Variants in CDH13 observed in about 807,000 individuals in gnomAD.
CDH13 encodes the protein cadherin-13.
A neutral mutation model predicts 63.8 loss-of-function variants in CDH13; 24 were observed. That is an observed-to-expected ratio of 0.38 (90% CI 0.27 to 0.53). The LOEUF (loss-of-function observed/expected upper bound fraction) is 0.53. Among genes scored for constraint, CDH13 ranks in the 20% least tolerant of loss-of-function variants. The pLI, the probability that CDH13 is intolerant of heterozygous loss-of-function variation, is 0.85. For synonymous variants in CDH13, 503 were observed against 355.3 expected, an observed-to-expected ratio of 1.42 and a Z score of -4.67; for missense variants, 1,049 against 903.1, an observed-to-expected ratio of 1.16 and a Z score of -2.07.
At chr16:83,198,216 G>C (rs2038929844) in intron 4 of CDH13, among the ~76,000 whole-genome samples, 1 of 151,844 alleles carries the variant, frequency 6.6e-6, no homozygotes, top group African/African-American at 2.4e-5. Flanking sequence ...AAATCCCATT[G>C]CCAAGTACAA....
intron 3 of CDH13, among the ~76,000 whole-genome samples, chr16:83,107,807 T>C (rs563362820): frequency 3.3e-4 from 50 of 152,088 alleles, no homozygotes; most frequent in African/African-American, 1.1e-3. Flanking sequence ...TTTTCTTTTT[T>C]CTTTTCTTTT....
intron 5 of CDH13, among the ~76,000 whole-genome samples, chr16:83,327,068 T>A (rs2090379970): frequency 6.6e-6 from 1 of 152,226 alleles, no homozygotes; most frequent in Admixed American, 6.5e-5. Context: ...GTAAGAAATA[T>A]GAGTCTATTT....
rs1284132626 is a variant in CDH13 at position 83,506,711 on chromosome 16, C to T, written c.960+20056C>T. On this transcript the variant is annotated intron_variant, in intron 7 of 13. Transcript: ENST00000567109. The stretch of plus-strand genomic sequence containing the variant: ...AAATGACTTTGTGTGAATTCTGAGC[C>T]TTGTTTATTCTTGTCCTTTCTTGCT... 2.0e-5 allele frequency among the ~76,000 whole-genome samples: 3 copies of T among 152,172 alleles called. No homozygotes were observed. The East Asian group carries it at 5.8e-4, about 29-fold the overall frequency.
intron 5 of CDH13, among the ~76,000 whole-genome samples, chr16:83,247,693 C>G (rs1387894413): frequency 2.0e-5 from 3 of 152,158 alleles, no homozygotes; most frequent in African/African-American, 7.2e-5. Context: ...TAATGTTAAT[C>G]ATTGATACAG....
At chr16:83,598,311 A>G (rs533675384) in intron 7 of CDH13, among the ~76,000 whole-genome samples, 1 of 152,232 alleles carries the variant, frequency 6.6e-6, no homozygotes, top group African/African-American at 2.4e-5. Flanking sequence ...GCTGCAGTGA[A>G]CCATGACCAC....
intron 5 of CDH13, among the ~76,000 whole-genome samples, chr16:83,288,395 G>A (rs1384595100): frequency 6.6e-6 from 1 of 152,214 alleles, no homozygotes; most frequent in Non-Finnish European, 1.5e-5. Flanking sequence ...GAGGAGGAGG[G>A]AATCAAATTA....
At chr16:83,491,640 G>A (rs746831940) in intron 7 of CDH13, among the ~76,000 whole-genome samples, 2 of 148,804 alleles carry the variant, frequency 1.3e-5, no homozygotes, top group Non-Finnish European at 3.0e-5. Context: ...CTTAACATTT[G>A]CATTGAGAAA....
At chr16:83,009,023 A>G (rs1913843499) in intron 2 of CDH13, among the ~76,000 whole-genome samples, 1 of 152,216 alleles carries the variant, frequency 6.6e-6, no homozygotes, top group South Asian at 2.1e-4. Context: ...ACTCACTATC[A>G]TGACAACAGC....
intron 6 of CDH13, among the ~76,000 whole-genome samples, chr16:83,455,768 A>G (rs2073008957): frequency 6.6e-6 from 1 of 152,180 alleles, no homozygotes; most frequent in Non-Finnish European, 1.5e-5. Flanking sequence ...TTTGTCACTT[A>G]AAGTGCAGGG....
At chr16:82,831,492 C>G (rs1054976237) in intron 1 of CDH13, among the ~76,000 whole-genome samples, 1 of 152,200 alleles carries the variant, frequency 6.6e-6, no homozygotes. Context: ...CAAAATCTTT[C>G]AAGTAATGAG....
intron 11 of CDH13, among the ~76,000 whole-genome samples, chr16:83,770,645 A>G (rs1361806932): frequency 2.0e-5 from 3 of 152,226 alleles, no homozygotes; most frequent in African/African-American, 7.2e-5. Context: ...TATGCTAAAC[A>G]AGGGGTGGAT....
intron 6 of CDH13, among the ~76,000 whole-genome samples, chr16:83,448,806 G>C (rs2072789853): frequency 6.6e-6 from 1 of 152,170 alleles, no homozygotes; most frequent in Admixed American, 6.5e-5. Flanking sequence ...GGGGAGGATA[G>C]GGTGGACTGG....
chr16:83,150,897 A>T (rs528913571), intron 4 of CDH13, among the ~76,000 whole-genome samples: 16 of 152,248 alleles, frequency 1.1e-4, no homozygotes, highest in African/African-American at 2.4e-4. Flanking sequence ...TCATTGTAGC[A>T]CTTAGATGTG....
At chr16:83,296,219 T>C (rs7202581) in intron 5 of CDH13, among the ~76,000 whole-genome samples, 151,534 of 152,314 alleles carry the variant, frequency 0.99, 75,387 homozygotes, top group Non-Finnish European at 1. Flanking sequence ...TCTCTGTCCT[T>C]AGTTGCTTTT....
chr16:83,254,478 C>A (rs1369260371), intron 5 of CDH13, among the ~76,000 whole-genome samples: 1 of 152,152 alleles, frequency 6.6e-6, no homozygotes, highest in East Asian at 1.9e-4. Context: ...TTTACCTCAG[C>A]CAACAAGGCA....
At chr16:83,482,617 C>T (rs1414331672) in intron 6 of CDH13, among the ~76,000 whole-genome samples, 1 of 152,226 alleles carries the variant, frequency 6.6e-6, no homozygotes, top group Non-Finnish European at 1.5e-5. Flanking sequence ...AACCATGATC[C>T]AGCCTCCAGG....
At chr16:83,279,979 C>G (rs1297528845) in intron 5 of CDH13, among the ~76,000 whole-genome samples, 1 of 152,130 alleles carries the variant, frequency 6.6e-6, no homozygotes, top group Non-Finnish European at 1.5e-5. Flanking sequence ...AAAGTGCTAA[C>G]AAACATCTGA....
At chr16:83,155,665 C>G (rs1430150084) in intron 4 of CDH13, among the ~76,000 whole-genome samples, 1 of 152,022 alleles carries the variant, frequency 6.6e-6, no homozygotes, top group Non-Finnish European at 1.5e-5. Flanking sequence ...TATTGTGTAC[C>G]CTGTCCTAGG....
intron 1 of CDH13, among the ~76,000 whole-genome samples, chr16:82,642,407 C>T (rs140636282): frequency 0.01 from 1,531 of 152,280 alleles, 14 homozygotes; most frequent in Non-Finnish European, 0.014. Flanking sequence ...GTATAATGCA[C>T]GCAGTAATGT....
Sources: allele counts gnomAD v4.1 joint callset (sites outside exome capture counted in the v4.1 genomes callset), GRCh38; gene constraint gnomAD v4.1.1; transcripts MANE v1.5; gene names NCBI Gene and HGNC (gene_info 2026-07-23, HGNC 2026-07-21).